CYLD: variants seen among roughly 807,000 people sequenced by gnomAD.
CYLD encodes CYLD lysine 63 deubiquitinase.
In CYLD, 26 loss-of-function variants were observed where a neutral mutation model predicts 104.5. The ratio of observed to expected loss-of-function variants is 0.25; its 90% confidence interval spans 0.18 to 0.35. The LOEUF (loss-of-function observed/expected upper bound fraction) is 0.35, where lower values mean the gene tolerates loss of function less well. CYLD is among the 10% of genes least tolerant of loss of function. CYLD has a pLI of 1.00. For synonymous variants in CYLD, 385 were observed against 399.9 expected, an observed-to-expected ratio of 0.96 and a Z score of 0.45; for missense variants, 703 against 1,136.1, an observed-to-expected ratio of 0.62 and a Z score of 5.48.
chr16:50,742,410 C>G (rs544685278), intron 1 of CYLD: 284 of 180,602 alleles, frequency 1.6e-3, no homozygotes, highest in Non-Finnish European at 2.8e-3. Flanking sequence ...TTTCCCCCCC[C>G]CACCGGGGCT....
intron 5 of CYLD, among the ~76,000 whole-genome samples, chr16:50,763,052 A>T (rs1004418661): frequency 7.2e-5 from 11 of 152,218 alleles, no homozygotes; most frequent in African/African-American, 2.7e-4. Context: ...AGTCCTAAGC[A>T]ACTACCAGTC....
chr16:50,775,249 G>A, intron 6 of CYLD, 75 bp downstream of exon 6: 2 of 1,109,076 alleles, frequency 1.8e-6, no homozygotes, highest in Non-Finnish European at 2.7e-6. Context: ...TTTTCACACT[G>A]CCTCTTCTAC....
intron 3 of CYLD, among the ~76,000 whole-genome samples, chr16:50,751,005 A>G (rs1966571241): frequency 6.6e-6 from 1 of 152,198 alleles, no homozygotes; most frequent in South Asian, 2.1e-4. Context: ...AATGCCAATT[A>G]CATTTTGACA....
Position 50,749,996 on chromosome 16 carries a change from C to T in CYLD, c.298C>T (p.Leu100Phe), listed in dbSNP as rs774294556. The change falls in exon 3 of 19, where the codon CTT becomes TTT. Residue 100 changes from leucine to phenylalanine, a missense_variant. Coordinates refer to ENST00000427738, the MANE Select transcript of CYLD (RefSeq NM_001378743.1). ...GATAAATGAAAAGTTCACAGAGTTA[C>T]TTTTGGCAATTACCAATTGTGAGGA... The part of the protein sequence containing the change: ...VEINEKFTEL[L>F]LAITNCEERF... The T allele has an allele frequency of 6.2e-7, 1 of 1,614,128 alleles. No individual in the cohort carries two copies. Among genetic ancestry groups the T allele is most frequent in the Non-Finnish European group, 8.5e-7 (1 of 1,180,004 alleles).
At position 50,787,802 on chromosome 16, in the gene CYLD, G is replaced by T; in HGVS notation, c.2058G>T (p.Leu686Phe). The change falls in exon 14 of 19, where the codon TTG becomes TTT. Residue 686 changes from leucine (L) to phenylalanine (F), a missense_variant. Physicochemically the swap from Leu to Phe is conservative, Grantham distance 22. Around this residue, in one of 5 missense-constraint regions of CYLD, gnomAD observed 125 missense variants for 325.4 expected, o/e 0.38. Transcript: ENST00000427738. ...TSEEKDPEEFLNILFHHILRV... is the reference protein window; with the variant it reads ...TSEEKDPEEFFNILFHHILRV... ...TTCTCCTAGATCCTGAGGAATTCTT[G>T]AATATTCTGTTTCATCATATTTTAA... 6.4e-7 allele frequency: 1 copy of T among 1,554,444 alleles called. No individual in the cohort carries two copies.
intron 14 of CYLD, 113 bp from the exon 15 acceptor site, chr16:50,791,445 C>T (rs950495269): frequency 1.9e-6 from 2 of 1,059,616 alleles, no homozygotes; most frequent in African/African-American, 3.2e-5. Flanking sequence ...TCCAAAGCTA[C>T]ACCATCAATT....
At chr16:50,789,335 A>G (rs1024786751) in intron 14 of CYLD, among the ~76,000 whole-genome samples, 2 of 152,358 alleles carry the variant, frequency 1.3e-5, no homozygotes, top group East Asian at 3.9e-4. Flanking sequence ...TTCATTTTAA[A>G]GAGATAAATT....
At chr16:50,772,744 G>C (rs1969287936) in intron 5 of CYLD, among the ~76,000 whole-genome samples, 2 of 152,194 alleles carry the variant, frequency 1.3e-5, no homozygotes. Flanking sequence ...TTTACATTTT[G>C]ATAGACAGTA....
intron 5 of CYLD, among the ~76,000 whole-genome samples, chr16:50,754,950 C>G (rs1303578577): frequency 7.0e-6 from 1 of 143,430 alleles, no homozygotes; most frequent in Admixed American, 7.1e-5. Context: ...TATATACACA[C>G]ATATATACAT....
At chr16:50,762,026 A>G (rs1968002211) in intron 5 of CYLD, among the ~76,000 whole-genome samples, 1 of 152,152 alleles carries the variant, frequency 6.6e-6, no homozygotes, top group Non-Finnish European at 1.5e-5. Context: ...TTTTTAAAAA[A>G]TTGTATATAT....
intron 2 of CYLD, among the ~76,000 whole-genome samples, chr16:50,747,385 A>G (rs1966279081): frequency 6.6e-6 from 1 of 152,224 alleles, no homozygotes; most frequent in Admixed American, 6.5e-5. Flanking sequence ...GGAAAACTCT[A>G]GACAGTAGAT....
chr16:50,793,696 T>C (rs1387311765), intron 17 of CYLD, 32 bp downstream of exon 17: 4 of 1,319,642 alleles, frequency 3.0e-6, no homozygotes, highest in Non-Finnish European at 3.3e-6. Context: ...GGATAAACTT[T>C]TGTTGAACAG....
chr16:50,785,665 A>C (rs546475565), intron 12 of CYLD: 1 of 152,324 alleles, frequency 6.6e-6, no homozygotes, highest in East Asian at 1.9e-4. Flanking sequence ...GCCAGTTAAG[A>C]ATCATAGTTA....
chr16:50,789,516 G>A (rs1169592774), intron 14 of CYLD, among the ~76,000 whole-genome samples: 1 of 152,246 alleles, frequency 6.6e-6, no homozygotes, highest in East Asian at 1.9e-4. Flanking sequence ...TGAATGCCTT[G>A]TGGGACTTGA....
At position 50,797,425 on chromosome 16, in the gene CYLD, A is replaced by G. The variant is rs1379057392; in HGVS notation, c.*917A>G. On this transcript the variant is annotated 3_prime_UTR_variant, in exon 19 of 19. Coordinates refer to ENST00000427738, the MANE Select transcript of CYLD (RefSeq NM_001378743.1). Reference sequence around the variant, plus strand: ...ATTTAAACCTCTATTATTTTAGACAAGACTGTCTAGAACTTAAGTTTGATC... The same window carrying G: ...ATTTAAACCTCTATTATTTTAGACAGGACTGTCTAGAACTTAAGTTTGATC... 3 of 232,268 alleles carry G rather than the reference A, an allele frequency of 1.3e-5. No homozygotes were observed. Among genetic ancestry groups the G allele is most frequent in the Admixed American group, 5.6e-5 (1 of 17,766 alleles). The allele number at this position is 232,268 out of a possible 1,614,324, so 14.4% of individuals were successfully genotyped here.
At chr16:50,775,126 C>G (rs370782578) in intron 5 of CYLD, 40 bp from the exon 6 acceptor site, 6 of 1,581,686 alleles carry the variant, frequency 3.8e-6, no homozygotes, top group South Asian at 1.1e-5. Flanking sequence ...TTTCTGTCCT[C>G]AAATCCACTG....
intron 5 of CYLD, among the ~76,000 whole-genome samples, chr16:50,756,622 G>T (rs1365092622): frequency 6.6e-6 from 1 of 152,196 alleles, no homozygotes; most frequent in Non-Finnish European, 1.5e-5. Flanking sequence ...ACAGGCTAGT[G>T]CAATAAAGCC....
rs1465326291 is a variant in CYLD, at chr16:50,776,174, T to G, written c.923-5T>G. 4.4e-6 allele frequency: 7 copies of G among 1,603,378 alleles called. No homozygotes were observed. The highest frequency in any genetic ancestry group is 6.0e-6 in the Non-Finnish European group (7 of 1,170,416). On this transcript the variant is annotated splice_polypyrimidine_tract_variant and splice_region_variant and intron_variant, in intron 6 of 18. Coordinates refer to ENST00000427738, the MANE Select transcript of CYLD (RefSeq NM_001378743.1). ...TATCTTTAAAAAACATGCTTACTGT[T>G]TCAGAGAGTGTGACGCAGGAAAGGA... is the stretch of plus-strand genomic sequence containing the variant.
At chr16:50,795,380 T>C (rs966587170) in intron 18 of CYLD, among the ~76,000 whole-genome samples, 1 of 152,214 alleles carries the variant, frequency 6.6e-6, no homozygotes, top group Non-Finnish European at 1.5e-5. Flanking sequence ...ATTATTTAAC[T>C]AATGCTTAAT....
Sources: allele counts gnomAD v4.1 joint callset (sites outside exome capture counted in the v4.1 genomes callset), GRCh38; gene constraint gnomAD v4.1.1; regional missense constraint gnomAD v4.1.1; transcripts MANE v1.5; gene names NCBI Gene and HGNC (gene_info 2026-07-23, HGNC 2026-07-21).